The following FOCAD variants were observed in gnomAD, a reference collection of about 807,000 sequenced individuals.
FOCAD encodes the protein KIAA1797.
FOCAD carries 198 observed loss-of-function variants against 225.6 expected under a neutral mutation model. That is an observed-to-expected ratio of 0.88 (90% CI 0.78 to 0.99). The LOEUF (loss-of-function observed/expected upper bound fraction) is 0.99. FOCAD is among the 50% of genes least tolerant of loss of function. FOCAD has a pLI of 0.00. For synonymous variants in FOCAD, 897 were observed against 755.0 expected (o/e 1.19, Z -3.08); for missense variants, 2,713 against 2,123.6 (o/e 1.28, Z -5.46).
chr9:20,820,798 A>G (rs1235848109), intron 13 of FOCAD, 143 bp from the exon 14 acceptor site: 60 of 888,336 alleles, frequency 6.8e-5, no homozygotes, highest in Middle Eastern at 2.3e-4. Flanking sequence ...CACTATAGCA[A>G]TCTTCTCTGC....
rs1821687369 is a variant in FOCAD at position 20,660,621 on chromosome 9, G to A, written c.-78+1795G>A. ...GATCCGAAGAGACAGCAACAGTTTG[G>A]TTAGAATGATGGAAGGAAGACCAAG... is the stretch of plus-strand genomic sequence containing the variant. On this transcript the variant is annotated intron_variant, in intron 2 of 45. Coordinates refer to the FOCAD transcript ENST00000380249. Among the ~76,000 whole-genome samples, 3 of 152,200 alleles carry A rather than the reference G, an allele frequency of 2.0e-5. No homozygotes were observed. The South Asian group carries it at 6.2e-4, about 31-fold the overall frequency.
intron 8 of FOCAD, among the ~76,000 whole-genome samples, chr9:20,778,433 G>A (rs150597164): frequency 3.3e-4 from 50 of 152,200 alleles, no homozygotes; most frequent in East Asian, 1.9e-4. Flanking sequence ...AGTTGGCTGG[G>A]CTGGTCTCGA....
intron 24 of FOCAD, among the ~76,000 whole-genome samples, chr9:20,918,681 G>A (rs891443547): frequency 4.0e-5 from 6 of 150,330 alleles, no homozygotes; most frequent in Admixed American, 3.3e-4. Context: ...CAGAGATCCC[G>A]CCACTGCACT....
At chr9:20,940,097 C>T (rs1349506675) in intron 28 of FOCAD, among the ~76,000 whole-genome samples, 4 of 152,020 alleles carry the variant, frequency 2.6e-5, no homozygotes, top group African/African-American at 7.3e-5. Context: ...GAGAGAGAGA[C>T]GGGTAGGCCT....
At chr9:20,815,373 G>T (rs1224609201) in intron 11 of FOCAD, among the ~76,000 whole-genome samples, 1 of 149,770 alleles carries the variant, frequency 6.7e-6, no homozygotes, top group Admixed American at 6.7e-5. Flanking sequence ...TCGAACTCCT[G>T]ATCTCAGGTG....
intron 8 of FOCAD, among the ~76,000 whole-genome samples, chr9:20,771,262 G>C (rs898257135): frequency 1.3e-5 from 2 of 152,192 alleles, no homozygotes; most frequent in African/African-American, 4.8e-5. Flanking sequence ...TGTCTTCCAT[G>C]CCACACAAAT....
chr9:20,991,595 G>A (rs1231479264), intron 42 of FOCAD, among the ~76,000 whole-genome samples: 2 of 151,926 alleles, frequency 1.3e-5, no homozygotes, highest in Non-Finnish European at 2.9e-5. Flanking sequence ...GGCAGATCAC[G>A]TGAGGTCAGG....
chr9:20,915,585 G>A (rs1229866875), intron 23 of FOCAD, among the ~76,000 whole-genome samples: 1 of 152,148 alleles, frequency 6.6e-6, no homozygotes, highest in Non-Finnish European at 1.5e-5. Flanking sequence ...CCAGGTTCTA[G>A]AAGGATCTAG....
At chr9:20,803,271 C>G (rs1822039572) in intron 11 of FOCAD, among the ~76,000 whole-genome samples, 1 of 152,030 alleles carries the variant, frequency 6.6e-6, no homozygotes, top group South Asian at 2.1e-4. Context: ...GTGGCAGCTC[C>G]TTATCTCAAG....
chr9:20,931,208 A>C (rs1452125505), intron 27 of FOCAD, among the ~76,000 whole-genome samples: 1 of 152,182 alleles, frequency 6.6e-6, no homozygotes, highest in Non-Finnish European at 1.5e-5. Flanking sequence ...GTTGTCTTCC[A>C]TTCCTGTCTG....
intron 5 of FOCAD, among the ~76,000 whole-genome samples, chr9:20,746,360 C>T (rs550642856): frequency 1.2e-4 from 19 of 152,004 alleles, no homozygotes; most frequent in African/African-American, 4.1e-4. Context: ...GAGGGGAGGC[C>T]GGGACATTGG....
intron 8 of FOCAD, 41 bp downstream of exon 8, chr9:20,770,279 T>G: frequency 1.1e-5 from 16 of 1,522,254 alleles, no homozygotes; most frequent in Non-Finnish European, 1.5e-5. Context: ...GCATTGCTAT[T>G]AAGAAATACC....
intron 21 of FOCAD, among the ~76,000 whole-genome samples, chr9:20,894,984 T>C (rs1439778837): frequency 6.6e-6 from 1 of 152,076 alleles, no homozygotes; most frequent in East Asian, 1.9e-4. Context: ...ATAATCTATT[T>C]TGAGTTAATT....
intron 24 of FOCAD, among the ~76,000 whole-genome samples, chr9:20,920,143 G>T (rs1423706912): frequency 2.0e-5 from 3 of 152,188 alleles, no homozygotes; most frequent in Non-Finnish European, 4.4e-5. Flanking sequence ...CCATCAACAA[G>T]TGGGCGAAGG....
intron 24 of FOCAD, among the ~76,000 whole-genome samples, chr9:20,920,928 C>T (rs1350082557): frequency 6.6e-6 from 1 of 150,606 alleles, no homozygotes; most frequent in Non-Finnish European, 1.5e-5. Context: ...CTAACCTGCA[C>T]ATTGTGCACA....
chr9:20,688,956 T>G (rs549633064), intron 1 of FOCAD, among the ~76,000 whole-genome samples: 1 of 152,324 alleles, frequency 6.6e-6, no homozygotes, highest in East Asian at 1.9e-4. Flanking sequence ...TTTTGTTACG[T>G]GCGTATGGTA....
intron 25 of FOCAD, among the ~76,000 whole-genome samples, chr9:20,925,286 C>G (rs779831001): frequency 3.3e-5 from 5 of 152,178 alleles, no homozygotes; most frequent in Non-Finnish European, 7.4e-5. Context: ...ATGCCCCTTT[C>G]TATGATCCCT....
At chr9:20,786,367 T>G (rs1160495838) in intron 10 of FOCAD, among the ~76,000 whole-genome samples, 4 of 152,232 alleles carry the variant, frequency 2.6e-5, no homozygotes, top group African/African-American at 9.6e-5. Context: ...GACATGGGAC[T>G]GAGCATGTTG....
intron 35 of FOCAD, among the ~76,000 whole-genome samples, chr9:20,959,987 A>G (rs1336225805): frequency 6.6e-6 from 1 of 152,168 alleles, no homozygotes; most frequent in Non-Finnish European, 1.5e-5. Context: ...TCCTTTTTTA[A>G]TAGTAAGAAA....
Sources: allele counts gnomAD v4.1 joint callset (sites outside exome capture counted in the v4.1 genomes callset), GRCh38; gene constraint gnomAD v4.1.1; transcripts MANE v1.5; gene names NCBI Gene and HGNC (gene_info 2026-07-23, HGNC 2026-07-21).